Variants in SLC24A3 observed in about 807,000 individuals in gnomAD.
The protein encoded by SLC24A3 is solute carrier family 24 member 3, also known as sodium/potassium/calcium exchanger 3.
A neutral mutation model predicts 75.8 loss-of-function variants in SLC24A3; 28 were observed. The ratio of observed to expected loss-of-function variants is 0.37; its 90% CI spans 0.27 to 0.51. The LOEUF is 0.51. Among genes scored for constraint, SLC24A3 ranks in the 20% least tolerant of loss-of-function variants. The pLI, the probability that SLC24A3 is intolerant of heterozygous loss-of-function variation, is 0.94. For missense variants in SLC24A3, 663 were observed against 847.8 expected (o/e 0.78, Z 2.71); for synonymous variants, 372 against 334.1 (o/e 1.11, Z -1.24).
Position 19,685,100 on chromosome 20 carries a change from A to T in SLC24A3, c.1063A>T (p.Arg355Ter). 6.3e-7 allele frequency: 1 copy of T among 1,599,052 alleles called. No homozygotes were observed. ...SMASRMLINE[R>*]QRLINSRAYT... ...TAAGAGTGCGCCTTTCTCTTTCCAG[A>T]GACAAAGATTGATAAACAGCAGGGC... Residue 355 changes from arginine (R) to a stop codon, truncating the protein, a stop_gained and splice_region_variant, in exon 12 of 17, where the codon AGA becomes TGA. Coordinates refer to ENST00000328041, the MANE Select transcript of SLC24A3 (RefSeq NM_020689.4). LOFTEE classifies it high-confidence loss of function.
At chr20:19,675,372 G>T (rs1294215978) in intron 9 of SLC24A3, among the ~76,000 whole-genome samples, 1 of 152,238 alleles carries the variant, frequency 6.6e-6, no homozygotes, top group African/African-American at 2.4e-5. Context: ...GACACATTAA[G>T]GTTTCTTATT....
chr20:19,432,324 CT>C (rs1987118728), intron 2 of SLC24A3, among the ~76,000 whole-genome samples: 1 of 147,984 alleles, frequency 6.8e-6, no homozygotes, highest in African/African-American at 2.5e-5. Context: ...AATAATCATC[CT>C]AATAAACAAT....
intron 2 of SLC24A3, among the ~76,000 whole-genome samples, chr20:19,400,414 C>A: frequency 6.6e-6 from 1 of 152,134 alleles, no homozygotes; most frequent in East Asian, 1.9e-4. Context: ...TGTACTCTAC[C>A]CACTGCCCCA....
chr20:19,426,032 T>C (rs1443828147), intron 2 of SLC24A3, among the ~76,000 whole-genome samples: 1 of 152,244 alleles, frequency 6.6e-6, no homozygotes, highest in African/African-American at 2.4e-5. Flanking sequence ...CAGGTCCATG[T>C]GCTAACTGTG....
intron 1 of SLC24A3, among the ~76,000 whole-genome samples, chr20:19,262,907 C>T (rs139731215): frequency 1.3e-3 from 196 of 151,896 alleles, no homozygotes; most frequent in Non-Finnish European, 2.1e-3. Flanking sequence ...CAATATTTGC[C>T]CCGAGCCATT....
In SLC24A3 at chr20:19,422,112, G is replaced by A. The variant is rs140847172; in HGVS notation, c.272-93376G>A. On this transcript the variant is annotated intron_variant, in intron 2 of 16. Coordinates refer to ENST00000328041, the MANE Select transcript of SLC24A3 (RefSeq NM_020689.4). ...TGGCAGTTCTGGTCGATCCTACTGA[G>A]TGTGTTCTCTGGCCAGAGAACACAT... 2.6e-5 allele frequency among the ~76,000 whole-genome samples: 4 copies of A among 152,182 alleles called. No individual in the cohort carries two copies. The East Asian group carries it at 5.8e-4, about 22-fold the overall frequency.
intron 2 of SLC24A3, among the ~76,000 whole-genome samples, chr20:19,332,680 AC>A (rs1361605869): frequency 6.6e-6 from 1 of 152,272 alleles, no homozygotes; most frequent in East Asian, 1.9e-4. Flanking sequence ...GGAGAAAACC[AC>A]CTTGAGGTTT....
At chr20:19,240,665 A>G (rs1039660577) in intron 1 of SLC24A3, among the ~76,000 whole-genome samples, 1 of 152,040 alleles carries the variant, frequency 6.6e-6, no homozygotes, top group Admixed American at 6.5e-5. Context: ...TGAGGGAGGG[A>G]AGGAGGATAG....
chr20:19,689,908 G>A (rs1369009133), intron 12 of SLC24A3, among the ~76,000 whole-genome samples: 11 of 151,476 alleles, frequency 7.3e-5, no homozygotes, highest in African/African-American at 2.7e-4. Context: ...GCACACGCCT[G>A]TAATCCTAGC....
At chr20:19,517,319 T>C (rs1055034886) in intron 3 of SLC24A3, among the ~76,000 whole-genome samples, 2 of 152,178 alleles carry the variant, frequency 1.3e-5, no homozygotes, top group African/African-American at 2.4e-5. Context: ...GCTTTCATCC[T>C]CCTGAAGAGA....
At chr20:19,248,725 T>A (rs1182825359) in intron 1 of SLC24A3, among the ~76,000 whole-genome samples, 1 of 152,050 alleles carries the variant, frequency 6.6e-6, no homozygotes, top group African/African-American at 2.4e-5. Flanking sequence ...CTATTCATGA[T>A]AGCCAAGATA....
chr20:19,539,946 C>G (rs570348331), intron 3 of SLC24A3, among the ~76,000 whole-genome samples: 1 of 152,288 alleles, frequency 6.6e-6, no homozygotes, highest in South Asian at 2.1e-4. Flanking sequence ...AGGCAGAACT[C>G]TTCTGGAATG....
intron 2 of SLC24A3, among the ~76,000 whole-genome samples, chr20:19,505,991 A>G (rs1387408012): frequency 6.6e-6 from 1 of 152,196 alleles, no homozygotes; most frequent in African/African-American, 2.4e-5. Flanking sequence ...TCCTTGCCCA[A>G]TTTTAGGTAT....
At chr20:19,250,582 CT>C (rs1982623895) in intron 1 of SLC24A3, among the ~76,000 whole-genome samples, 1 of 152,170 alleles carries the variant, frequency 6.6e-6, no homozygotes, top group South Asian at 2.1e-4. Flanking sequence ...TTAAATTCCA[CT>C]GAAAAACTAC....
At chr20:19,310,668 A>G (rs879435990) in intron 2 of SLC24A3, among the ~76,000 whole-genome samples, 1 of 152,226 alleles carries the variant, frequency 6.6e-6, no homozygotes, top group Non-Finnish European at 1.5e-5. Flanking sequence ...TGAGACAGTC[A>G]TTATCTGTGC....
chr20:19,438,855 C>T (rs954758567), intron 2 of SLC24A3, among the ~76,000 whole-genome samples: 9 of 152,228 alleles, frequency 5.9e-5, no homozygotes, highest in African/African-American at 2.2e-4. Flanking sequence ...CTGCACCTGG[C>T]ATCCCCACAG....
At position 19,685,204 on chromosome 20, in the gene SLC24A3, T is replaced by C; in HGVS notation, c.1167T>C (p.Ser389=). 5 of 1,614,088 alleles carry C rather than the reference T, an allele frequency of 3.1e-6. No homozygotes were observed. Among genetic ancestry groups the C allele is most frequent in the Non-Finnish European group, 4.2e-6 (5 of 1,180,010 alleles). Residue 389 remains serine (S), a synonymous_variant, in exon 12 of 17, where the codon AGT becomes AGC. Coordinates refer to ENST00000328041, the MANE Select transcript of SLC24A3 (RefSeq NM_020689.4). The part of the protein sequence containing the change: ...HTVENGTGPS[S]APDRGVNGTR... Reference sequence around the variant, plus strand: ...TGGAGAATGGGACAGGGCCCAGCAGTGCCCCAGACAGGGGCGTGAATGGGA... The same window carrying C: ...TGGAGAATGGGACAGGGCCCAGCAGCGCCCCAGACAGGGGCGTGAATGGGA...
chr20:19,450,060 A>C (rs1370982482), intron 2 of SLC24A3, among the ~76,000 whole-genome samples: 1 of 152,170 alleles, frequency 6.6e-6, no homozygotes, highest in Non-Finnish European at 1.5e-5. Context: ...ATCACTTTGG[A>C]ATGGGTCAAC....
chr20:19,590,213 G>T (rs1054574348), intron 6 of SLC24A3, among the ~76,000 whole-genome samples: 1 of 151,944 alleles, frequency 6.6e-6, no homozygotes, highest in Non-Finnish European at 1.5e-5. Context: ...ACAATGTGCA[G>T]CTAGAAGTTT....
Sources: allele counts gnomAD v4.1 joint callset (sites outside exome capture counted in the v4.1 genomes callset), GRCh38; gene constraint gnomAD v4.1.1; transcripts MANE v1.5; gene names NCBI Gene and HGNC (gene_info 2026-07-23, HGNC 2026-07-21).